TTLL5: variants seen among roughly 807,000 people sequenced by gnomAD.
TTLL5 encodes the protein tubulin polyglutamylase TTLL5.
TTLL5 carries 132 observed loss-of-function variants against 168.4 expected under a neutral mutation model. That is an observed-to-expected ratio of 0.78 (90% CI 0.68 to 0.91). TTLL5 has a LOEUF of 0.91. Among genes scored for constraint, TTLL5 ranks in the 40% least tolerant of loss-of-function variants. The probability of loss-of-function intolerance (pLI) is 0.00; values close to 1 mark genes in which losing one functional copy is unlikely to be tolerated. For missense variants in TTLL5, 1,545 were observed against 1,581.5 expected, an observed-to-expected ratio of 0.98 and a Z score of 0.39; for synonymous variants, 546 against 558.6, an observed-to-expected ratio of 0.98 and a Z score of 0.32.
intron 27 of TTLL5, among the ~76,000 whole-genome samples, chr14:75,805,919 C>A (rs1258799277): frequency 6.6e-6 from 1 of 152,084 alleles, no homozygotes; most frequent in African/African-American, 2.4e-5. Context: ...ATCTACTGTC[C>A]TGCTTAAGGC....
At chr14:75,928,118 C>T (rs572570329) in intron 31 of TTLL5, among the ~76,000 whole-genome samples, 38 of 151,966 alleles carry the variant, frequency 2.5e-4, no homozygotes, top group South Asian at 6.2e-4. Context: ...GTAGGCGAAA[C>T]CCTTTCCAAC....
intron 7 of TTLL5, among the ~76,000 whole-genome samples, chr14:75,705,925 T>G (rs1886627913): frequency 6.6e-6 from 1 of 152,150 alleles, no homozygotes; most frequent in Non-Finnish European, 1.5e-5. Context: ...AATTTCCTGC[T>G]TCCCACCATG....
At chr14:75,893,911 A>T (rs1179941860) in intron 30 of TTLL5, among the ~76,000 whole-genome samples, 1 of 152,296 alleles carries the variant, frequency 6.6e-6, no homozygotes, top group African/African-American at 2.4e-5. Flanking sequence ...AGGAAATAGT[A>T]AAGACTGTAT....
intron 31 of TTLL5, among the ~76,000 whole-genome samples, chr14:75,915,403 T>C (rs2033580242): frequency 6.6e-6 from 1 of 152,220 alleles, no homozygotes; most frequent in Non-Finnish European, 1.5e-5. Flanking sequence ...TTACTTCTTT[T>C]TGCTTCACAG....
rs1253021675 is a variant in TTLL5 at position 75,663,196 on chromosome 14, C to G, written c.47C>G (p.Ser16Ter). The G allele has an allele frequency of 6.2e-7, 1 of 1,613,280 alleles. No homozygotes were observed. The highest frequency in any genetic ancestry group is 1.1e-5 in the South Asian group (1 of 90,728). ...GACCTGGAGGAAACAGCATCATCCT[C>G]AGAGGATGAGGAGGTCATAAGTCAA... ...ARDLEETASS[S>*]EDEEVISQED... Residue 16 changes from serine to a stop codon, truncating the protein, a stop_gained, in exon 2 of 32, where the codon TCA becomes TGA. Coordinates refer to ENST00000298832, the MANE Select transcript of TTLL5 (RefSeq NM_015072.5). LOFTEE classifies it high-confidence loss of function.
At chr14:75,902,378 T>G (rs964845712) in intron 31 of TTLL5, 154 bp downstream of exon 31, 5 of 812,684 alleles carry the variant, frequency 6.2e-6, no homozygotes, top group Non-Finnish European at 9.9e-6. Flanking sequence ...TTTGTTGCAT[T>G]CTTCTTTAAA....
At chr14:75,771,963 G>C (rs1891355903) in intron 21 of TTLL5, 109 bp downstream of exon 21, 1 of 1,247,258 alleles carries the variant, frequency 8.0e-7, no homozygotes, top group Non-Finnish European at 1.1e-6. Context: ...TCTGGTGAAA[G>C]GATTATTATG....
At chr14:75,666,264 G>T (rs1158035887) in intron 2 of TTLL5, among the ~76,000 whole-genome samples, 1 of 152,240 alleles carries the variant, frequency 6.6e-6, no homozygotes, top group African/African-American at 2.4e-5. Context: ...TGTTAGATCT[G>T]CTCAGATCCC....
At chr14:75,667,229 A>G (rs892158308) in intron 2 of TTLL5, among the ~76,000 whole-genome samples, 1 of 152,192 alleles carries the variant, frequency 6.6e-6, no homozygotes. Context: ...TCCCCTTGTC[A>G]GGCATTTTAA....
At chr14:75,773,897 A>T (rs1891491602) in intron 21 of TTLL5, among the ~76,000 whole-genome samples, 1 of 125,714 alleles carries the variant, frequency 8.0e-6, no homozygotes, top group Non-Finnish European at 1.8e-5. Context: ...CTCAAAAAAA[A>T]AAAAAAATAC....
intron 20 of TTLL5, among the ~76,000 whole-genome samples, chr14:75,768,669 G>A (rs1282820850): frequency 6.6e-6 from 1 of 152,136 alleles, no homozygotes; most frequent in Non-Finnish European, 1.5e-5. Context: ...GAAAGAAAGT[G>A]CTATGGGATG....
intron 31 of TTLL5, among the ~76,000 whole-genome samples, chr14:75,914,623 T>TTTTTTTTTG (rs1435475630): frequency 1.3e-3 from 6 of 4,572 alleles, no homozygotes; most frequent in Admixed American, 7.8e-3. Context: ...ACTCTTGTTT[T>TTTTTTTTTG]TTTTTTTTTT....
intron 31 of TTLL5, chr14:75,904,085 T>A: frequency 4.1e-6 from 5 of 1,226,858 alleles, no homozygotes; most frequent in Non-Finnish European, 5.2e-6. Context: ...ATGCCCCAGT[T>A]CCCAGCCACA....
At chr14:75,945,125 C>G (rs968338186) in intron 31 of TTLL5, among the ~76,000 whole-genome samples, 4 of 151,646 alleles carry the variant, frequency 2.6e-5, no homozygotes, top group Non-Finnish European at 5.9e-5. Context: ...CTTGATCTCT[C>G]AAGCCACCTG....
chr14:75,665,850 TCAAA>T (rs759320800), intron 2 of TTLL5, among the ~76,000 whole-genome samples: 8 of 152,164 alleles, frequency 5.3e-5, no homozygotes, highest in Non-Finnish European at 1.0e-4. Context: ...AGACTCCGTC[TCAAA>T]CAAAACAAAA....
At chr14:75,931,115 G>T (rs2034263191) in intron 31 of TTLL5, among the ~76,000 whole-genome samples, 1 of 152,176 alleles carries the variant, frequency 6.6e-6, no homozygotes, top group Non-Finnish European at 1.5e-5. Context: ...TGGCTTCAAA[G>T]ATTTGTTGTG....
chr14:75,893,185 CA>C (rs2032485903), intron 30 of TTLL5, among the ~76,000 whole-genome samples: 1 of 151,922 alleles, frequency 6.6e-6, no homozygotes, highest in Non-Finnish European at 1.5e-5. Context: ...AGGAGTATCA[CA>C]AAAAAGACCT....
chr14:75,780,080 A>T (rs994121135), intron 24 of TTLL5, among the ~76,000 whole-genome samples: 6 of 152,208 alleles, frequency 3.9e-5, no homozygotes, highest in African/African-American at 1.4e-4. Context: ...AAAGAGACTG[A>T]GTAACTTGCC....
intron 18 of TTLL5, among the ~76,000 whole-genome samples, chr14:75,762,747 T>C (rs1890730556): frequency 6.6e-6 from 1 of 152,252 alleles, no homozygotes. Context: ...AGCTTCTCCA[T>C]ATCTGTGAGC....
Sources: allele counts gnomAD v4.1 joint callset (sites outside exome capture counted in the v4.1 genomes callset), GRCh38; gene constraint gnomAD v4.1.1; transcripts MANE v1.5; gene names NCBI Gene and HGNC (gene_info 2026-07-23, HGNC 2026-07-21).